ICE1: variants seen among roughly 807,000 people sequenced by gnomAD.
ICE1 encodes interactor of little elongation complex ELL subunit 1, also known as little elongation complex subunit 1.
In ICE1, 64 loss-of-function variants were observed where a neutral mutation model predicts 192.7. That is an observed-to-expected ratio of 0.33 (90% CI 0.27 to 0.41). ICE1 has a LOEUF of 0.41. Ranked by LOEUF, ICE1 falls within the 10% of genes least tolerant of loss-of-function variation. The pLI is 1.00. For synonymous variants in ICE1, 1,010 were observed against 984.5 expected, an observed-to-expected ratio of 1.03 and a Z score of -0.49; for missense variants, 2,708 against 2,696.0, an observed-to-expected ratio of 1.00 and a Z score of -0.10.
At chr5:5,485,161 T>C (rs1162921994) in intron 17 of ICE1, among the ~76,000 whole-genome samples, 1 of 152,174 alleles carries the variant, frequency 6.6e-6, no homozygotes, top group African/African-American at 2.4e-5. Context: ...AAAGAACTTT[T>C]GTTACTCCAG....
intron 10 of ICE1, among the ~76,000 whole-genome samples, chr5:5,452,409 A>G (rs1738451520): frequency 6.6e-6 from 1 of 152,038 alleles, no homozygotes; most frequent in Admixed American, 6.6e-5. Context: ...AAAGGAATGG[A>G]ATAAGAACAA....
In ICE1 at chr5:5,465,452, A is replaced by T. The variant is rs547882765; in HGVS notation, c.5892+226A>T. Among the ~76,000 whole-genome samples the T allele has an allele frequency of 7.2e-5, 11 of 152,274 alleles. No homozygotes were observed. The East Asian group carries it at 2.1e-3, about 29-fold the overall frequency. ...CATTTCTATTCATTAAATTACTTAA[A>T]TTTTTTTAAAGTATCTGTCAGGACT... On this transcript the variant is annotated intron_variant, in intron 13 of 18. Coordinates refer to ENST00000296564, the MANE Select transcript of ICE1 (RefSeq NM_015325.3).
intron 16 of ICE1, among the ~76,000 whole-genome samples, chr5:5,475,304 T>C (rs1042355091): frequency 2.0e-5 from 3 of 152,144 alleles, no homozygotes; most frequent in Non-Finnish European, 4.4e-5. Flanking sequence ...TAGTAGGGAG[T>C]ATCTAGAAGA....
intron 1 of ICE1, among the ~76,000 whole-genome samples, chr5:5,432,627 A>T (rs1369736462): frequency 6.6e-6 from 1 of 152,090 alleles, no homozygotes; most frequent in African/African-American, 2.4e-5. Context: ...TTATATTCCC[A>T]CCAGCAATGT....
At chr5:5,477,827 C>T (rs1237190117) in intron 17 of ICE1, among the ~76,000 whole-genome samples, 3 of 152,188 alleles carry the variant, frequency 2.0e-5, no homozygotes, top group Admixed American at 2.0e-4. Flanking sequence ...GCTGGTTCAA[C>T]ATATGCAAAG....
Position 5,464,352 on chromosome 5 carries a change from G to A in ICE1, c.5018G>A (p.Arg1673His), listed in dbSNP as rs1157878610. 6.2e-6 allele frequency: 10 copies of A among 1,613,440 alleles called. No individual in the cohort carries two copies. Among genetic ancestry groups the A allele is most frequent in the East Asian group, 4.5e-5 (2 of 44,840 alleles). The stretch of plus-strand genomic sequence containing the variant: ...CCTGTTGGCCAGGTTTCTCCCTTCC[G>A]TGAAACCCCAGTGCCTCCTGCCATG... ...ASPVGQVSPF[R>H]ETPVPPAMSP... The change falls in exon 13 of 19, where the codon CGT becomes CAT. Residue 1673 changes from arginine (R) to histidine (H), a missense_variant. Coordinates refer to ENST00000296564, the MANE Select transcript of ICE1 (RefSeq NM_015325.3). This position sits in a 1 kb window ranked among gnomAD's most constrained non-coding sequence, Gnocchi z 4.0.
intron 17 of ICE1, among the ~76,000 whole-genome samples, chr5:5,477,284 A>C (rs1487624443): frequency 6.6e-6 from 1 of 152,214 alleles, no homozygotes; most frequent in African/African-American, 2.4e-5. Flanking sequence ...AAATAGACAC[A>C]ATAAAAAATG....
Position 5,464,818 on chromosome 5 carries a change from G to A in ICE1, c.5484G>A (p.Gln1828=). Reference sequence around the variant, plus strand: ...ACAAGTCAAGAGATTTGGGGACTCAGCAGGATTCAAGCGGGAAAAGAACAC... The same window carrying A: ...ACAAGTCAAGAGATTTGGGGACTCAACAGGATTCAAGCGGGAAAAGAACAC... ...NQDKSRDLGT[Q]QDSSGKRTLS... Residue 1828 remains glutamine (Q), a synonymous_variant, in exon 13 of 19, where the codon CAG becomes CAA. Coordinates refer to ENST00000296564, the MANE Select transcript of ICE1 (RefSeq NM_015325.3). This position sits in a 1 kb window ranked among gnomAD's most constrained non-coding sequence, Gnocchi z 4.0. The A allele has an allele frequency of 6.2e-7, 1 of 1,613,688 alleles. No homozygotes were observed. The highest frequency in any genetic ancestry group is 8.5e-7 in the Non-Finnish European group (1 of 1,179,764).
At chr5:5,429,847 A>C (rs990095296) in intron 1 of ICE1, among the ~76,000 whole-genome samples, 2 of 152,188 alleles carry the variant, frequency 1.3e-5, no homozygotes, top group Non-Finnish European at 2.9e-5. Flanking sequence ...ATAAAGTTAA[A>C]ATTGTCTGGT....
chr5:5,459,004 C>T (rs1561086499), intron 12 of ICE1, among the ~76,000 whole-genome samples: 1 of 152,122 alleles, frequency 6.6e-6, no homozygotes, highest in Non-Finnish European at 1.5e-5. Flanking sequence ...TCCTGAGTAG[C>T]TGGGACTACA....
At chr5:5,447,212 G>C (rs1033127623) in intron 7 of ICE1, among the ~76,000 whole-genome samples, 1 of 152,120 alleles carries the variant, frequency 6.6e-6, no homozygotes, top group East Asian at 1.9e-4. Flanking sequence ...GCCTGCGCTA[G>C]TTCTGTGGTT....
chr5:5,458,256 A>G (rs72643753), intron 12 of ICE1, among the ~76,000 whole-genome samples: 4,505 of 152,266 alleles, frequency 0.03, 152 homozygotes, highest in East Asian at 0.16. Flanking sequence ...TAAGGAACAG[A>G]TATGTGTTTT....
Position 5,462,719 on chromosome 5 carries a change from TCA to T in ICE1, c.3388_3389del (p.Gln1130GlufsTer30). ...GSEQQDAPDD[S>X]QKNLGDTDAA... is the part of the protein sequence containing the mutation. Reference sequence around the variant, plus strand: ...CGAACAGCAAGATGCTCCTGATGACTCACAGAAAAATTTAGGAGACACAGATG... The same window carrying T: ...CGAACAGCAAGATGCTCCTGATGACTCAGAAAAATTTAGGAGACACAGATG... On this transcript the variant is annotated frameshift_variant, in exon 13 of 19. Transcript: ENST00000296564. LOFTEE classifies it high-confidence loss of function. The T allele has an allele frequency of 6.2e-7, 1 of 1,613,818 alleles. No homozygotes were observed.
At chr5:5,426,806 G>C (rs138091787) in intron 1 of ICE1, among the ~76,000 whole-genome samples, 1 of 152,180 alleles carries the variant, frequency 6.6e-6, no homozygotes, top group Non-Finnish European at 1.5e-5. Context: ...AATAATTTTC[G>C]CATGTATTAT....
In ICE1 at chr5:5,463,318, G is replaced by C; in HGVS notation, c.3984G>C (p.Glu1328Asp). The change falls in exon 13 of 19, where the codon GAG (glutamate) becomes GAC (aspartate). Residue 1328 changes from glutamate to aspartate, a missense_variant. Glu to Asp is a conservative substitution (Grantham distance 45). This residue lies in a region of ICE1 where 2,366 missense variants were observed against 2,276.6 expected (regional missense o/e 1.04). Coordinates refer to ENST00000296564, the MANE Select transcript of ICE1 (RefSeq NM_015325.3). ...CACAAGCAGCTGCCTTGGACACTGA[G>C]GGCAGCTCTCCCATCAGCGGTATGC... The part of the protein sequence containing the change: ...PTPQAAALDT[E>D]GSSPISGMPQ... 6.2e-7 allele frequency: 1 copy of C among 1,613,630 alleles called. No homozygotes were observed. The highest frequency in any genetic ancestry group is 8.5e-7 in the Non-Finnish European group (1 of 1,179,802).
rs372424886 is a variant in ICE1, at chr5:5,438,231, G to A, written c.178+1117G>A. Among the ~76,000 whole-genome samples the A allele has an allele frequency of 1.2e-4, 19 of 152,304 alleles. 1 individual carries two copies. Among genetic ancestry groups the A allele is most frequent in the African/African-American group, 4.6e-4 (19 of 41,572 alleles). On this transcript the variant is annotated intron_variant, in intron 3 of 18. Coordinates refer to ENST00000296564, the MANE Select transcript of ICE1 (RefSeq NM_015325.3). ...CGTGGGAACTCACTCATTATCAGGA[G>A]AACAGCACTGGGGGACTGCCCCCGT... is the stretch of plus-strand genomic sequence containing the variant.
chr5:5,443,100 A>C, intron 5 of ICE1, 68 bp from the exon 6 acceptor site: 1 of 881,004 alleles, frequency 1.1e-6, no homozygotes, highest in Non-Finnish European at 1.7e-6. Context: ...ATCAAAGGCA[A>C]AGCAAGTTAT....
intron 1 of ICE1, among the ~76,000 whole-genome samples, chr5:5,434,125 T>C (rs1295165689): frequency 6.6e-6 from 1 of 152,204 alleles, no homozygotes; most frequent in African/African-American, 2.4e-5. Flanking sequence ...AATACAGAAA[T>C]TTATTTGATG....
intron 17 of ICE1, among the ~76,000 whole-genome samples, 156 bp downstream of exon 17, chr5:5,476,235 T>C (rs1739305822): frequency 6.6e-6 from 1 of 151,320 alleles, no homozygotes; most frequent in South Asian, 2.1e-4. Context: ...TTCTCCTTTC[T>C]CTCTCCTTGT....
Sources: gnomAD v4.1 joint callset for allele counts (sites outside exome capture counted in the v4.1 genomes callset) on GRCh38, gnomAD v4.1.1 for gene constraint, gnomAD v4.1.1 regional missense constraint, Gnocchi (gnomAD v3.1) non-coding constraint, MANE v1.5 for transcripts, NCBI Gene and HGNC (gene_info 2026-07-23, HGNC 2026-07-21) for gene names.